MON2: variants seen among roughly 807,000 people sequenced by gnomAD.
MON2 encodes the protein MON2 regulator of endosome-to-Golgi trafficking, also known as protein MON2 homolog.
A neutral mutation model predicts 208.6 loss-of-function variants in MON2; 84 were observed. The observed-to-expected ratio is 0.40, with a 90% CI of 0.34 to 0.48. The LOEUF (loss-of-function observed/expected upper bound fraction) is 0.48, where lower values mean the gene tolerates loss of function less well. MON2 is among the 20% of genes least tolerant of loss of function. The probability of loss-of-function intolerance (pLI) is 0.59; values close to 1 mark genes in which losing one functional copy is unlikely to be tolerated. For missense variants in MON2, 1,611 were observed against 2,015.4 expected, an observed-to-expected ratio of 0.80 and a Z score of 3.84; for synonymous variants, 660 against 694.0, an observed-to-expected ratio of 0.95 and a Z score of 0.77.
At chr12:62,543,628 G>A (rs965642762) in intron 20 of MON2, among the ~76,000 whole-genome samples, 3 of 151,056 alleles carry the variant, frequency 2.0e-5, no homozygotes, top group African/African-American at 7.3e-5. Flanking sequence ...TCTTTTTTGA[G>A]ACGGAATCTA....
At chr12:62,578,585 G>T in intron 31 of MON2, 80 bp downstream of exon 31, 1 of 876,366 alleles carries the variant, frequency 1.1e-6, no homozygotes, top group South Asian at 1.7e-5. Context: ...TACAGTTGCT[G>T]AAAGAATAAA....
chr12:62,501,549 A>T, intron 6 of MON2, 24 bp from the exon 7 acceptor site: 1 of 1,610,240 alleles, frequency 6.2e-7, no homozygotes, highest in South Asian at 1.1e-5. Context: ...CTAGCATGTG[A>T]AATTGTTCGA....
intron 32 of MON2, among the ~76,000 whole-genome samples, chr12:62,584,442 G>A (rs185629021): frequency 1.4e-3 from 211 of 152,214 alleles, no homozygotes; most frequent in African/African-American, 4.9e-3. Flanking sequence ...CATGGCTCAC[G>A]CCTGTAATCT....
At chr12:62,496,496 A>G (rs572715602) in intron 4 of MON2, among the ~76,000 whole-genome samples, 3 of 152,322 alleles carry the variant, frequency 2.0e-5, no homozygotes, top group African/African-American at 7.2e-5. Context: ...AGTAGTAGCG[A>G]TATCAAAGGC....
chr12:62,519,096 C>T (rs1565639380), intron 8 of MON2, among the ~76,000 whole-genome samples: 1 of 152,076 alleles, frequency 6.6e-6, no homozygotes. Flanking sequence ...TCTTTTATTA[C>T]TTTTTTTGCA....
rs745752454 is a variant in MON2, at chr12:62,561,069, A to G, written c.3988A>G (p.Ser1330Gly). Reference protein sequence around the residue: ...LPSYTEAVLTSLQEAVLTALD... With the variant: ...LPSYTEAVLTGLQEAVLTALD... ...ATCTTATACCGAAGCAGTTTTGACA[A>G]GTTTACAGGAAGCTGTACTTACAGC... The change falls in exon 26 of 35, where the codon AGT (serine) becomes GGT (glycine). Residue 1330 changes from serine to glycine, a missense_variant. Ser to Gly is a moderately conservative substitution (Grantham distance 56). Transcript: ENST00000393630. 6.2e-7 allele frequency: 1 copy of G among 1,613,072 alleles called. No homozygotes were observed. The highest frequency in any genetic ancestry group is 8.5e-7 in the Non-Finnish European group (1 of 1,179,490).
At chr12:62,562,108 A>G (rs1021486583) in intron 26 of MON2, among the ~76,000 whole-genome samples, 1 of 152,106 alleles carries the variant, frequency 6.6e-6, no homozygotes, top group South Asian at 2.1e-4. Flanking sequence ...TTTATTTTCA[A>G]TGGGGAAGAA....
At chr12:62,489,377 A>G (rs2069983391) in intron 2 of MON2, among the ~76,000 whole-genome samples, 1 of 152,040 alleles carries the variant, frequency 6.6e-6, no homozygotes, top group Non-Finnish European at 1.5e-5. Context: ...AAAATTTTAC[A>G]TTCATTTCTT....
chr12:62,500,332 G>T (rs1167476673), intron 5 of MON2, among the ~76,000 whole-genome samples: 2 of 152,284 alleles, frequency 1.3e-5, no homozygotes, highest in East Asian at 3.9e-4. Flanking sequence ...TTCTTAGCTG[G>T]TGAGTATCTG....
At chr12:62,568,205 G>T (rs945746358) in intron 29 of MON2, among the ~76,000 whole-genome samples, 3 of 152,318 alleles carry the variant, frequency 2.0e-5, no homozygotes, top group East Asian at 1.9e-4. Context: ...TTTAAGAAAT[G>T]TTGAGAAATT....
intron 2 of MON2, chr12:62,490,210 C>CT (rs11393430): frequency 0.67 from 106,176 of 157,326 alleles, 36,264 homozygotes; most frequent in African/African-American, 0.78. Context: ...AAGAGTTACA[C>CT]TATTGAGGGA....
Position 62,560,536 on chromosome 12 carries a change from C to A in MON2, c.3455C>A (p.Ser1152Ter). The A allele has an allele frequency of 1.2e-6, 2 of 1,613,726 alleles. No homozygotes were observed. Among genetic ancestry groups the A allele is most frequent in the South Asian group, 2.2e-5 (2 of 91,044 alleles). Residue 1152 changes from serine (S) to a stop codon, truncating the protein, a stop_gained, in exon 26 of 35, where the codon TCA becomes TAA. Coordinates refer to ENST00000393630, the MANE Select transcript of MON2 (RefSeq NM_015026.3). LOFTEE classifies it high-confidence loss of function. ...AWDVLLDHIQSAALSKNNEVS... is the reference protein window; with the variant it reads ...AWDVLLDHIQ ...GATGTTCTTCTTGACCATATACAGTCAGCAGCACTCAGCAAAAACAATGAA... is the reference window on the plus strand; with the variant it reads ...GATGTTCTTCTTGACCATATACAGTAAGCAGCACTCAGCAAAAACAATGAA...
At position 62,544,935 on chromosome 12, in the gene MON2, G is replaced by C; in HGVS notation, c.2504G>C (p.Gly835Ala). The C allele has an allele frequency of 1.2e-6, 2 of 1,609,386 alleles. No homozygotes were observed. The highest frequency in any genetic ancestry group is 4.5e-5 in the East Asian group (2 of 44,744). ...QHPNSRMREWGAEALTSLIKA... is the reference protein window; with the variant it reads ...QHPNSRMREWAAEALTSLIKA... ...CCAAACTCTCGAATGAGAGAATGGG[G>C]AGCAGAAGCTTTAACTTCTCTTATT... Residue 835 changes from glycine to alanine, a missense_variant, in exon 21 of 35, where the codon GGA (glycine) becomes GCA (alanine). Coordinates refer to ENST00000393630, the MANE Select transcript of MON2 (RefSeq NM_015026.3).
At chr12:62,529,765 T>C (rs186827082) in intron 11 of MON2, among the ~76,000 whole-genome samples, 34 of 152,332 alleles carry the variant, frequency 2.2e-4, no homozygotes, top group Admixed American at 2.1e-3. Flanking sequence ...TTTCTGCATC[T>C]ATTGATTTGC....
At position 62,515,751 on chromosome 12, in the gene MON2, G is replaced by T. The variant is rs186027972; in HGVS notation, c.984+7271G>T. ...AATTGCTTGAATCTGGGAGGCAGAC[G>T]TTGCAGTGAACCGAGATCACACAAT... On this transcript the variant is annotated intron_variant, in intron 8 of 34. Transcript: ENST00000393630. Among the ~76,000 whole-genome samples the T allele has an allele frequency of 1.3e-3, 194 of 151,532 alleles. 1 individual carries two copies. The highest frequency in any genetic ancestry group is 3.4e-3 in the Middle Eastern group (1 of 294).
intron 25 of MON2, 157 bp from the exon 26 acceptor site, chr12:62,560,334 A>G (rs1384761884): frequency 1.5e-6 from 1 of 675,876 alleles, no homozygotes; most frequent in Non-Finnish European, 2.3e-6. Context: ...GATAATTTTA[A>G]TTCCCATTGT....
chr12:62,544,898 G>C lies in MON2; in HGVS notation c.2467G>C (p.Val823Leu). The C allele has an allele frequency of 6.2e-7, 1 of 1,605,072 alleles. No individual in the cohort carries two copies. The highest frequency in any genetic ancestry group is 8.5e-7 in the Non-Finnish European group (1 of 1,175,750). Residue 823 changes from valine to leucine, a missense_variant and splice_region_variant, in exon 21 of 35, where the codon GTC (valine) becomes CTC (leucine). Coordinates refer to ENST00000393630, the MANE Select transcript of MON2 (RefSeq NM_015026.3). ...TAAACTTAATTTTATATACCTTCAG[G>C]TCTGCCAGCATCCAAACTCTCGAAT... ...WRPLTGHLLEVCQHPNSRMRE... is the reference protein window; with the variant it reads ...WRPLTGHLLELCQHPNSRMRE...
At chr12:62,584,819 G>A (rs1052907147) in intron 32 of MON2, among the ~76,000 whole-genome samples, 11 of 151,734 alleles carry the variant, frequency 7.2e-5, no homozygotes, top group Non-Finnish European at 1.5e-4. Context: ...ACAGAACAGC[G>A]TGTCTAGAGA....
chr12:62,475,263 G>T (rs972389768), intron 1 of MON2, among the ~76,000 whole-genome samples: 4 of 151,852 alleles, frequency 2.6e-5, no homozygotes, highest in Non-Finnish European at 4.4e-5. Flanking sequence ...TGGAGATGGA[G>T]TCTCTCACTC....
Sources: allele counts gnomAD v4.1 joint callset (sites outside exome capture counted in the v4.1 genomes callset), GRCh38; gene constraint gnomAD v4.1.1; transcripts MANE v1.5; gene names NCBI Gene and HGNC (gene_info 2026-07-23, HGNC 2026-07-21).